Variants in RUFY4 observed in about 807,000 individuals in gnomAD.
The protein encoded by RUFY4 is RUN and FYVE domain containing 4, also known as RUN and FYVE domain-containing protein 4.
In RUFY4, 73 loss-of-function variants were observed where a neutral mutation model predicts 69.0. That is an observed-to-expected ratio of 1.06 (90% CI 0.88 to 1.29). The LOEUF (loss-of-function observed/expected upper bound fraction) is 1.29. RUFY4 is among the 50% of genes most tolerant of loss of function. RUFY4 has a pLI of 0.00. For missense variants in RUFY4, 770 were observed against 705.6 expected, an observed-to-expected ratio of 1.09 and a Z score of -1.03; for synonymous variants, 287 against 271.8, an observed-to-expected ratio of 1.06 and a Z score of -0.55.
chr2:218,076,594 T>G, intron 8 of RUFY4, 61 bp downstream of exon 10: 2 of 1,536,162 alleles, frequency 1.3e-6, no homozygotes, highest in African/African-American at 2.8e-5. Context: ...CTGCTGTCAA[T>G]CACGGTCAAG....
intron 8 of RUFY4, among the ~76,000 whole-genome samples, chr2:218,080,430 G>T (rs1689735272): frequency 6.6e-6 from 1 of 152,188 alleles, no homozygotes; most frequent in Non-Finnish European, 1.5e-5. Context: ...AAGACATGGG[G>T]CTTCCAACAT....
chr2:218,038,324 A>G (rs1025139320), intron 2 of RUFY4, among the ~76,000 whole-genome samples: 1 of 152,116 alleles, frequency 6.6e-6, no homozygotes, highest in Non-Finnish European at 1.5e-5. Flanking sequence ...TAAACATCTT[A>G]TTTGTGTTTA....
chr2:218,083,348 C>T, intron 9 of RUFY4, 92 bp downstream of exon 11: 1 of 1,476,222 alleles, frequency 6.8e-7, no homozygotes, highest in Non-Finnish European at 9.1e-7. Context: ...CCACTCACAA[C>T]TCCCAAGCAG....
At chr2:218,072,936 T>C (rs961541537) in intron 4 of RUFY4, 51 bp downstream of exon 6, 1 of 1,411,100 alleles carries the variant, frequency 7.1e-7, no homozygotes. Context: ...CCACTTTCCC[T>C]CCTTTGTAAA....
At chr2:218,071,468 A>T (rs1260034367) in intron 2 of RUFY4, among the ~76,000 whole-genome samples, 1 of 151,954 alleles carries the variant, frequency 6.6e-6, no homozygotes, top group Non-Finnish European at 1.5e-5. Flanking sequence ...TTCCACTGGA[A>T]TGCACAGCAT....
intron 6 of RUFY4, among the ~76,000 whole-genome samples, chr2:218,074,552 T>A (rs993380846): frequency 6.6e-6 from 1 of 151,992 alleles, no homozygotes; most frequent in Non-Finnish European, 1.5e-5. Context: ...GGTCTCTTCA[T>A]GGAGATATAC....
chr2:218,044,565 T>G (rs1010604298), intron 2 of RUFY4, among the ~76,000 whole-genome samples: 7 of 152,180 alleles, frequency 4.6e-5, no homozygotes, highest in Admixed American at 1.3e-4. Flanking sequence ...ATTAGTTATT[T>G]TTCCTGATCC....
chr2:218,038,803 G>A (rs114059916), intron 2 of RUFY4, among the ~76,000 whole-genome samples: 1 of 152,148 alleles, frequency 6.6e-6, no homozygotes, highest in Non-Finnish European at 1.5e-5. Context: ...GCCCCATGAT[G>A]GTTGCTGCAG....
chr2:218,048,177 G>A (rs1688871664), intron 2 of RUFY4, among the ~76,000 whole-genome samples: 1 of 152,066 alleles, frequency 6.6e-6, no homozygotes, highest in South Asian at 2.1e-4. Flanking sequence ...GTTTTGATTT[G>A]AATTTCTCTA....
intron 7 of RUFY4, 31 bp downstream of exon 9, chr2:218,075,771 T>G: frequency 7.3e-7 from 1 of 1,374,242 alleles, no homozygotes; most frequent in South Asian, 2.4e-5. Context: ...TACCTGGTTA[T>G]TTGCCCCTGT....
chr2:218,085,901 A>G (rs566872937), intron 9 of RUFY4, among the ~76,000 whole-genome samples: 7 of 152,292 alleles, frequency 4.6e-5, no homozygotes, highest in Admixed American at 1.3e-4. Context: ...TTCTAAACAG[A>G]TTTTATTGCC....
At chr2:218,047,195 T>C (rs1176113327) in intron 2 of RUFY4, among the ~76,000 whole-genome samples, 3 of 152,012 alleles carry the variant, frequency 2.0e-5, no homozygotes, top group African/African-American at 7.2e-5. Flanking sequence ...ATTTAACAGA[T>C]AAGGAAAAAA....
intron 3 of RUFY4, among the ~76,000 whole-genome samples, chr2:218,062,821 T>G (rs1689232382): frequency 2.0e-5 from 3 of 152,246 alleles, no homozygotes; most frequent in Non-Finnish European, 4.4e-5. Context: ...TGGGGAGCTC[T>G]GAGCAGCCAT....
chr2:218,090,626 T>A (rs1559441198), downstream of RUFY4: 1 of 153,908 alleles, frequency 6.5e-6, no homozygotes, highest in Non-Finnish European at 1.4e-5. Context: ...TGAAACCGTC[T>A]TCATAAACAT....
chr2:218,072,831 G>A (rs551828867), exon 4 of RUFY4: 38 of 1,535,584 alleles, frequency 2.5e-5, no homozygotes, highest in Middle Eastern at 1.7e-4. Context: ...TGCCTGGCCC[G>A]TGGGCAGCTG....
exon 11 of RUFY4, chr2:218,090,167 G>A (rs1003448848): frequency 1.9e-5 from 11 of 566,390 alleles, no homozygotes; most frequent in African/African-American, 1.5e-4. Context: ...CCTCATTCTA[G>A]ACACTGAAGA....
intron 2 of RUFY4, among the ~76,000 whole-genome samples, chr2:218,042,302 A>G (rs1688713514): frequency 6.6e-6 from 1 of 152,226 alleles, no homozygotes; most frequent in Admixed American, 6.5e-5. Flanking sequence ...GTTTCTTAAG[A>G]TCTTTAATTT....
intron 2 of RUFY4, among the ~76,000 whole-genome samples, chr2:218,043,220 C>T (rs944392337): frequency 1.8e-4 from 27 of 151,820 alleles, no homozygotes; most frequent in Admixed American, 1.4e-3. Context: ...CAAGTCATCC[C>T]AGTGAGTGTT....
chr2:218,040,267 A>G (rs1026141808), intron 2 of RUFY4, among the ~76,000 whole-genome samples: 1 of 152,206 alleles, frequency 6.6e-6, no homozygotes, highest in African/African-American at 2.4e-5. Context: ...CCTTGACTTA[A>G]CTGTTCTTCT....
Sources: allele counts gnomAD v4.1 joint callset (sites outside exome capture counted in the v4.1 genomes callset), GRCh38; gene constraint gnomAD v4.1.1; transcripts MANE v1.5; gene names NCBI Gene and HGNC (gene_info 2026-07-23, HGNC 2026-07-21).